CDK5RAP2: variants seen among roughly 807,000 people sequenced by gnomAD.
CDK5RAP2 encodes CDK5 regulatory subunit associated protein 2, also known as CDK5 regulatory subunit-associated protein 2.
CDK5RAP2 carries 147 observed loss-of-function variants against 232.9 expected under a neutral mutation model. The ratio of observed to expected loss-of-function variants is 0.63; its 90% CI spans 0.55 to 0.72. The LOEUF (loss-of-function observed/expected upper bound fraction) is 0.72, where lower values mean the gene tolerates loss of function less well. Ranked by LOEUF, CDK5RAP2 falls within the 30% of genes least tolerant of loss-of-function variation. CDK5RAP2 has a pLI of 0.00. For missense variants in CDK5RAP2, 2,195 were observed against 2,231.5 expected (o/e 0.98, Z 0.33); for synonymous variants, 833 against 833.7 (o/e 1.00, Z 0.01).
chr9:120,492,877 C>T (rs878912947), intron 12 of CDK5RAP2, among the ~76,000 whole-genome samples: 1 of 152,164 alleles, frequency 6.6e-6, no homozygotes, highest in Admixed American at 6.5e-5. Context: ...ACTTGTCACT[C>T]TAAATTTGAA....
intron 2 of CDK5RAP2, among the ~76,000 whole-genome samples, chr9:120,570,662 A>C (rs1290836833): frequency 6.6e-6 from 1 of 151,898 alleles, no homozygotes; most frequent in Non-Finnish European, 1.5e-5. Context: ...CAACATGGTG[A>C]ACTCTGTCTC....
At chr9:120,436,503 A>C (rs1282686358) in intron 25 of CDK5RAP2, among the ~76,000 whole-genome samples, 1 of 152,224 alleles carries the variant, frequency 6.6e-6, no homozygotes, top group East Asian at 1.9e-4. Flanking sequence ...TGTATATTAG[A>C]TAATAGTATA....
chr9:120,519,547 C>A (rs2040525968), intron 11 of CDK5RAP2, among the ~76,000 whole-genome samples: 3 of 152,080 alleles, frequency 2.0e-5, no homozygotes, highest in African/African-American at 2.4e-5. Context: ...TCTGTAAAAA[C>A]CACAACCTTG....
intron 8 of CDK5RAP2, among the ~76,000 whole-genome samples, chr9:120,529,082 C>A (rs148662163): frequency 7.9e-5 from 12 of 152,236 alleles, no homozygotes; most frequent in South Asian, 4.2e-4. Context: ...GGCCGTGTGG[C>A]GGAAGTGGGC....
chr9:120,479,183 C>T (rs1588444561), intron 14 of CDK5RAP2, among the ~76,000 whole-genome samples: 1 of 151,874 alleles, frequency 6.6e-6, no homozygotes, highest in African/African-American at 2.4e-5. Context: ...CCAAATAAAA[C>T]AGGAATTCAT....
intron 12 of CDK5RAP2, chr9:120,518,020 G>C (rs1393730096): frequency 4.3e-6 from 1 of 234,320 alleles, no homozygotes; most frequent in African/African-American, 2.2e-5. Context: ...TAAATAAACT[G>C]TAATACATCC....
At chr9:120,422,798 C>T in intron 25 of CDK5RAP2, 57 bp from the exon 26 acceptor site, 1 of 1,314,520 alleles carries the variant, frequency 7.6e-7, no homozygotes, top group Admixed American at 1.7e-5. Context: ...TAAGTGTTCC[C>T]TAATAATTTC....
chr9:120,420,492 A>G (rs2034501644), intron 26 of CDK5RAP2, among the ~76,000 whole-genome samples: 1 of 152,028 alleles, frequency 6.6e-6, no homozygotes, highest in Non-Finnish European at 1.5e-5. Context: ...GGATTTAAAA[A>G]TCTCAAAACT....
At chr9:120,521,006 CAT>C (rs1427944302) in intron 11 of CDK5RAP2, among the ~76,000 whole-genome samples, 4 of 151,892 alleles carry the variant, frequency 2.6e-5, no homozygotes, top group African/African-American at 9.7e-5. Context: ...TCATATATAT[CAT>C]ATGATACATA....
rs1210153526 is a variant in CDK5RAP2 at position 120,520,748 on chromosome 9, C to A, written c.1093-2103G>T. ...ATATCATATATGTATCATGTGATAT[C>A]TCATATCTCATGAGATATATCTCAG... On this transcript the variant is annotated intron_variant, in intron 11 of 37. Transcript: ENST00000349780. Among the ~76,000 whole-genome samples, 41 of 143,136 alleles carry A rather than the reference C, an allele frequency of 2.9e-4. 3 individuals are homozygous for A. The East Asian group carries it at 7.5e-3, about 26-fold the overall frequency. 93.9% of individuals were successfully genotyped at this position (143,136 alleles called of 152,430 possible).
At chr9:120,512,671 T>C (rs1280174213) in intron 12 of CDK5RAP2, among the ~76,000 whole-genome samples, 1 of 152,224 alleles carries the variant, frequency 6.6e-6, no homozygotes. Context: ...CAGCGTAGTA[T>C]CTTAGCAAAG....
intron 3 of CDK5RAP2, among the ~76,000 whole-genome samples, chr9:120,553,290 T>A (rs2042112392): frequency 6.6e-6 from 1 of 152,220 alleles, no homozygotes; most frequent in South Asian, 2.1e-4. Context: ...TTTTTTTGGT[T>A]TGGTTCATCC....
chr9:120,448,088 T>A lies in CDK5RAP2; in HGVS notation c.2832A>T (p.Pro944=). 1 of 1,614,206 alleles carries A rather than the reference T, an allele frequency of 6.2e-7. No homozygotes were observed. Among genetic ancestry groups the A allele is most frequent in the Non-Finnish European group, 8.5e-7 (1 of 1,180,024 alleles). ...GATACATATTTCCTAATGACCGGGA[T>A]GGTTTTATTAGGATTGGCAAGCGGG... ...KKSRLPILIK[P]SRSLGNMYRL... Residue 944 remains proline (P), a synonymous_variant, in exon 22 of 38, where the codon CCA becomes CCT. Coordinates refer to ENST00000349780, the MANE Select transcript of CDK5RAP2 (RefSeq NM_018249.6).
chr9:120,483,256 TA>T (rs1420896164), intron 14 of CDK5RAP2, among the ~76,000 whole-genome samples: 2 of 152,218 alleles, frequency 1.3e-5, no homozygotes, highest in African/African-American at 4.8e-5. Flanking sequence ...GAACTGTCCC[TA>T]AAACACAGGG....
intron 31 of CDK5RAP2, chr9:120,407,949 C>A: frequency 6.9e-6 from 2 of 289,656 alleles, no homozygotes; most frequent in South Asian, 3.5e-5. Flanking sequence ...TCCTGGGTGC[C>A]TACTATGTGT....
chr9:120,548,399 C>T (rs1022479824), intron 4 of CDK5RAP2, among the ~76,000 whole-genome samples: 4 of 152,142 alleles, frequency 2.6e-5, no homozygotes, highest in African/African-American at 9.7e-5. Context: ...CATGTCCATT[C>T]GGTTATTTTT....
In CDK5RAP2 at chr9:120,500,637, G is replaced by C. The variant is rs951219756; in HGVS notation, c.1312-9160C>G. Among the ~76,000 whole-genome samples, 5 of 152,176 alleles carry C rather than the reference G, an allele frequency of 3.3e-5. No homozygotes were observed. In the South Asian group the frequency reaches 1.0e-3, roughly 31 times the overall value. ...GGGCCATGAATGAAAATAGTTTCAA[G>C]GAGAGTCATAATGAAAAGCTGATCT... On this transcript the variant is annotated intron_variant, in intron 12 of 37. Coordinates refer to ENST00000349780, the MANE Select transcript of CDK5RAP2 (RefSeq NM_018249.6).
At position 120,453,743 on chromosome 9, in the gene CDK5RAP2, A is replaced by T. The variant is rs1450641096; in HGVS notation, c.2506T>A (p.Phe836Ile). Residue 836 changes from phenylalanine to isoleucine, a missense_variant, in exon 21 of 38, where the codon TTT becomes ATT. By Grantham distance (21) the Phe-to-Ile change is conservative (BLOSUM62 0). Coordinates refer to ENST00000349780, the MANE Select transcript of CDK5RAP2 (RefSeq NM_018249.6). The stretch of plus-strand genomic sequence containing the variant: ...TTGGAAAATGAGTTGGTTTGGACAA[A>T]ATGTACAAGTTCACCTTTTTGCTTA... ...TPKQKGELVH[F>I]VQTNSFSKPH... The T allele has an allele frequency of 6.2e-7, 1 of 1,614,204 alleles. No homozygotes were observed. The highest frequency in any genetic ancestry group is 1.1e-5 in the South Asian group (1 of 91,082).
At chr9:120,494,190 A>G (rs2039044926) in intron 12 of CDK5RAP2, among the ~76,000 whole-genome samples, 1 of 132,644 alleles carries the variant, frequency 7.5e-6, no homozygotes, top group East Asian at 1.9e-4. Context: ...AAAGACATAG[A>G]AATATAAATA....
Sources: allele counts gnomAD v4.1 joint callset (sites outside exome capture counted in the v4.1 genomes callset), GRCh38; gene constraint gnomAD v4.1.1; transcripts MANE v1.5; gene names NCBI Gene and HGNC (gene_info 2026-07-23, HGNC 2026-07-21).